TBC1D5: variants seen among roughly 807,000 people sequenced by gnomAD.
TBC1D5 encodes TBC1 domain family member 5, also known as TBC1 domain family, member 5.
TBC1D5 carries 75 observed loss-of-function variants against 100.3 expected under a neutral mutation model. The observed-to-expected ratio is 0.75, with a 90% CI of 0.62 to 0.91. TBC1D5 has a LOEUF of 0.91. TBC1D5 is among the 40% of genes least tolerant of loss of function. The pLI is 0.00. For missense variants in TBC1D5, 910 were observed against 942.4 expected (o/e 0.97, Z 0.45); for synonymous variants, 323 against 325.6 (o/e 0.99, Z 0.09).
chr3:17,703,596 C>G lies in TBC1D5; in HGVS notation c.-101+35747G>C, dbSNP rs186794265. ...AAAGACTAGTAGTTGAACTCTAAAT[C>G]TGTCAAAAGAGGATGCAAGCTTACT... On this transcript the variant is annotated intron_variant, in intron 1 of 21. Transcript: ENST00000253692. 2.6e-5 allele frequency among the ~76,000 whole-genome samples: 4 copies of G among 152,154 alleles called. No homozygotes were observed. In the East Asian group the frequency reaches 7.7e-4, roughly 29 times the overall value.
At chr3:17,302,091 G>A (rs998197725) in intron 14 of TBC1D5, among the ~76,000 whole-genome samples, 4 of 152,176 alleles carry the variant, frequency 2.6e-5, no homozygotes, top group African/African-American at 9.7e-5. Flanking sequence ...TGTTCCCTCT[G>A]AAACTTGTAG....
chr3:17,406,612 T>A, intron 4 of TBC1D5, 86 bp from the exon 5 acceptor site: 1 of 1,296,034 alleles, frequency 7.7e-7, no homozygotes, highest in Non-Finnish European at 1.1e-6. Context: ...TAATTTTAAG[T>A]AAGTCTAAAA....
chr3:17,428,395 A>G (rs867956672), intron 4 of TBC1D5, 55 bp downstream of exon 4: 19 of 303,930 alleles, frequency 6.3e-5, no homozygotes, highest in Admixed American at 2.3e-4. Flanking sequence ...ATAATATTAT[A>G]TGTGTGTGTG....
intron 13 of TBC1D5, among the ~76,000 whole-genome samples, chr3:17,363,324 G>A (rs1433552066): frequency 6.6e-6 from 1 of 151,906 alleles, no homozygotes; most frequent in Non-Finnish European, 1.5e-5. Context: ...AATCCAATTG[G>A]TCAGATTTCT....
At chr3:17,423,321 A>T (rs1346565272) in intron 4 of TBC1D5, among the ~76,000 whole-genome samples, 2 of 152,146 alleles carry the variant, frequency 1.3e-5, no homozygotes, top group Admixed American at 6.5e-5. Context: ...GTTTTATTTA[A>T]AAAAATACAT....
chr3:17,549,707 G>T lies in TBC1D5; in HGVS notation c.-35-41102C>A, dbSNP rs1399434965. ...GCACTTTGGGAGGCCAAGGCTGTTG[G>T]ATCACTTGAGGTCAGGAGTTCAAGA... is the stretch of plus-strand genomic sequence containing the variant. On this transcript the variant is annotated intron_variant, in intron 2 of 21. Coordinates refer to ENST00000253692, the Ensembl canonical transcript of TBC1D5. Among the ~76,000 whole-genome samples the T allele has an allele frequency of 5.3e-5, 8 of 152,148 alleles. No homozygotes were observed. In the East Asian group the frequency reaches 1.5e-3, roughly 29 times the overall value.
At chr3:17,160,197 A>G in exon 22 of TBC1D5, 1 of 152,244 alleles carries the variant, frequency 6.6e-6, no homozygotes, top group East Asian at 1.9e-4. Context: ...CTAAAAGGTG[A>G]AATATAATTG....
At chr3:17,488,374 T>A (rs2095597003) in intron 3 of TBC1D5, among the ~76,000 whole-genome samples, 1 of 152,236 alleles carries the variant, frequency 6.6e-6, no homozygotes, top group Non-Finnish European at 1.5e-5. Context: ...TAATCCATTA[T>A]CTGTTGAAGG....
chr3:17,163,054 C>T (rs577214802), intron 21 of TBC1D5, among the ~76,000 whole-genome samples: 52 of 152,302 alleles, frequency 3.4e-4, no homozygotes, highest in African/African-American at 1.2e-3. Context: ...ATCACTTATT[C>T]TCCTTTAGCT....
intron 1 of TBC1D5, among the ~76,000 whole-genome samples, chr3:17,725,906 CTTCT>C (rs747368541): frequency 5.9e-5 from 9 of 152,186 alleles, no homozygotes; most frequent in Non-Finnish European, 7.3e-5. Context: ...CTGTTGTTCC[CTTCT>C]TTGTGTCCAT....
chr3:17,395,099 C>T (rs970198285), intron 8 of TBC1D5, among the ~76,000 whole-genome samples: 6 of 151,840 alleles, frequency 4.0e-5, no homozygotes, highest in East Asian at 1.9e-4. Flanking sequence ...AAAGGAGGGG[C>T]GGTTTGGGAT....
intron 13 of TBC1D5, among the ~76,000 whole-genome samples, chr3:17,337,123 G>GTTTTTTTTTTTTTTTTTTTTTTTTTT (rs11328091): frequency 8.6e-6 from 1 of 116,152 alleles, no homozygotes; most frequent in African/African-American, 3.5e-5. Flanking sequence ...TATCTGAGAG[G>GTTTTTTTTTTTTTTTTTTTTTTTTTT]TTTTTTTTTT....
intron 19 of TBC1D5, among the ~76,000 whole-genome samples, chr3:17,173,306 G>C (rs1311467986): frequency 6.6e-6 from 1 of 152,176 alleles, no homozygotes; most frequent in East Asian, 1.9e-4. Context: ...GATATGCAGA[G>C]GCACAGGATG....
intron 1 of TBC1D5, among the ~76,000 whole-genome samples, chr3:17,730,309 T>C (rs138184560): frequency 7.6e-4 from 116 of 152,338 alleles, no homozygotes; most frequent in Non-Finnish European, 1.4e-3. Flanking sequence ...CTCTTGAATC[T>C]GGGCTGACTC....
intron 1 of TBC1D5, among the ~76,000 whole-genome samples, chr3:17,634,868 T>C (rs1464256399): frequency 6.6e-6 from 1 of 152,014 alleles, no homozygotes; most frequent in Non-Finnish European, 1.5e-5. Context: ...AAATTAAACA[T>C]TAAAACATTT....
chr3:17,216,788 C>T (rs2073691808), intron 17 of TBC1D5, among the ~76,000 whole-genome samples: 2 of 152,078 alleles, frequency 1.3e-5, no homozygotes, highest in African/African-American at 2.4e-5. Flanking sequence ...TCAGGAACCA[C>T]CTATTATTTT....
Position 17,730,875 on chromosome 3 carries a change from A to C in TBC1D5, c.-101+8468T>G, listed in dbSNP as rs373346948. On this transcript the variant is annotated intron_variant, in intron 1 of 21. Coordinates refer to ENST00000253692, the Ensembl canonical transcript of TBC1D5. ...TGGCACTCACAGAGCAGTCAAAAGC[A>C]TGACATAGACTAATGAGTAAAAAGG... Among the ~76,000 whole-genome samples the C allele has an allele frequency of 2.6e-5, 4 of 152,314 alleles. 1 individual carries two copies. The South Asian group carries it at 8.3e-4, about 32-fold the overall frequency.
chr3:17,648,636 GAAAC>G (rs1215325697), intron 1 of TBC1D5, among the ~76,000 whole-genome samples: 1 of 151,908 alleles, frequency 6.6e-6, no homozygotes, highest in Non-Finnish European at 1.5e-5. Context: ...TTACAAGAGA[GAAAC>G]AAACAACACC....
rs192260665 is a variant in TBC1D5, at chr3:17,634,333, C to T, written c.-100-10420G>A. On this transcript the variant is annotated intron_variant, in intron 1 of 21. Transcript: ENST00000253692. Reference sequence around the variant, plus strand: ...ATTTAGAAGTAACCTAAGTTTCCATCAACAGATGAATGAGTAAAGAAAATG... The same window carrying T: ...ATTTAGAAGTAACCTAAGTTTCCATTAACAGATGAATGAGTAAAGAAAATG... 1.0e-3 allele frequency among the ~76,000 whole-genome samples: 155 copies of T among 152,202 alleles called. 2 individuals carry two copies. The South Asian group carries it at 0.018, about 18-fold the overall frequency.
Sources: allele counts gnomAD v4.1 joint callset (sites outside exome capture counted in the v4.1 genomes callset), GRCh38; gene constraint gnomAD v4.1.1; transcripts MANE v1.5; gene names NCBI Gene and HGNC (gene_info 2026-07-23, HGNC 2026-07-21).